The following FHIT variants were observed in gnomAD, a reference collection of about 807,000 sequenced individuals.
The protein encoded by FHIT is bis(5'-adenosyl)-triphosphatase.
FHIT carries 19 observed loss-of-function variants against 17.9 expected under a neutral mutation model. That is an observed-to-expected ratio of 1.06 (90% CI 0.74 to 1.56). The LOEUF (loss-of-function observed/expected upper bound fraction) is 1.56, where lower values mean the gene tolerates loss of function less well. FHIT is among the 40% of genes most tolerant of loss of function. The pLI, the probability that FHIT is intolerant of heterozygous loss-of-function variation, is 0.00. For missense variants in FHIT, 248 were observed against 189.2 expected (o/e 1.31, Z -1.82); for synonymous variants, 81 against 69.7 (o/e 1.16, Z -0.81).
At chr3:60,013,943 A>G (rs374889777) in intron 6 of FHIT, 64 bp downstream of exon 6, 110 of 1,513,006 alleles carry the variant, frequency 7.3e-5, no homozygotes, top group African/African-American at 6.4e-4. Flanking sequence ...TATCAGGAGG[A>G]GCAAGCCCAA....
chr3:60,536,237 A>G (rs1465091334), intron 5 of FHIT: 2 of 152,106 alleles, frequency 1.3e-5, no homozygotes, highest in Non-Finnish European at 2.9e-5. Flanking sequence ...ACTACAACTC[A>G]GTGGTCAGAG....
intron 5 of FHIT, among the ~76,000 whole-genome samples, chr3:60,112,780 C>A (rs1298548531): frequency 6.6e-6 from 1 of 152,142 alleles, no homozygotes; most frequent in African/African-American, 2.4e-5. Flanking sequence ...TACATAGGAG[C>A]ATGATGGAAG....
chr3:60,604,672 A>G (rs1213567999), intron 4 of FHIT, among the ~76,000 whole-genome samples: 1 of 152,166 alleles, frequency 6.6e-6, no homozygotes, highest in Non-Finnish European at 1.5e-5. Flanking sequence ...AGGAAGGAGC[A>G]TGAAATGGGA....
At chr3:60,179,626 C>T (rs539546101) in intron 5 of FHIT, among the ~76,000 whole-genome samples, 4 of 151,902 alleles carry the variant, frequency 2.6e-5, no homozygotes, top group African/African-American at 9.7e-5. Flanking sequence ...AATTCAACTA[C>T]CTAGCTACAG....
At chr3:61,128,930 T>C (rs900734699) in intron 2 of FHIT, among the ~76,000 whole-genome samples, 1 of 152,170 alleles carries the variant, frequency 6.6e-6, no homozygotes, top group African/African-American at 2.4e-5. Context: ...ACGTGAAATA[T>C]GTTCTTACTT....
intron 3 of FHIT, among the ~76,000 whole-genome samples, chr3:60,923,946 G>T (rs145255213): frequency 6.6e-6 from 1 of 152,172 alleles, no homozygotes; most frequent in African/African-American, 2.4e-5. Flanking sequence ...TACGCCCATG[G>T]AGCCTCCCTC....
chr3:60,382,235 T>A (rs531654297), intron 5 of FHIT, among the ~76,000 whole-genome samples: 4 of 152,200 alleles, frequency 2.6e-5, no homozygotes, highest in Non-Finnish European at 5.9e-5. Flanking sequence ...CTTGCGGACA[T>A]AGAATTGCGG....
intron 2 of FHIT, among the ~76,000 whole-genome samples, chr3:61,194,152 T>C (rs533124043): frequency 6.6e-6 from 1 of 152,132 alleles, no homozygotes; most frequent in Non-Finnish European, 1.5e-5. Context: ...CTCTATGGAA[T>C]GAGGATCTTC....
intron 4 of FHIT, among the ~76,000 whole-genome samples, chr3:60,551,440 G>C (rs1559532440): frequency 1.2e-5 from 1 of 81,440 alleles, no homozygotes; most frequent in South Asian, 5.4e-4. Context: ...GGGAAATATA[G>C]TGAGAAAGAA....
chr3:61,100,349 C>T (rs527755408), intron 2 of FHIT, among the ~76,000 whole-genome samples: 139 of 152,088 alleles, frequency 9.1e-4, no homozygotes, highest in Non-Finnish European at 1.6e-3. Flanking sequence ...CTGAGAATGA[C>T]GGTTTCCAGC....
At chr3:61,145,558 T>TA (rs1458808888) in intron 2 of FHIT, among the ~76,000 whole-genome samples, 2 of 151,868 alleles carry the variant, frequency 1.3e-5, no homozygotes, top group African/African-American at 2.4e-5. Flanking sequence ...GGGAAAAAAA[T>TA]AAAAAAACAG....
intron 5 of FHIT, among the ~76,000 whole-genome samples, chr3:60,106,230 G>T (rs925711075): frequency 4.6e-5 from 7 of 152,192 alleles, no homozygotes; most frequent in African/African-American, 1.7e-4. Context: ...GAAGAGTAGT[G>T]ATGCTGTAAA....
At chr3:61,209,089 T>G (rs1463528752) in intron 1 of FHIT, among the ~76,000 whole-genome samples, 1 of 152,076 alleles carries the variant, frequency 6.6e-6, no homozygotes, top group Admixed American at 6.6e-5. Flanking sequence ...TTAGTTTGGC[T>G]GGATATGAAA....
chr3:60,535,808 T>C (rs2035960813), intron 5 of FHIT: 1 of 108,308 alleles, frequency 9.2e-6, no homozygotes, highest in South Asian at 3.4e-4. Context: ...TTCTTATTTG[T>C]ATTTTTTTTT....
At chr3:60,257,888 T>A (rs1706084729) in intron 5 of FHIT, among the ~76,000 whole-genome samples, 1 of 151,940 alleles carries the variant, frequency 6.6e-6, no homozygotes, top group South Asian at 2.1e-4. Flanking sequence ...AACTAAGGCC[T>A]GTCGGAGGGT....
rs148425926 is a variant in FHIT, at chr3:60,300,721, C to T, written c.103+236139G>A. Among the ~76,000 whole-genome samples the T allele has an allele frequency of 1.9e-3, 284 of 152,206 alleles. 1 individual carries two copies. The highest frequency in any genetic ancestry group is 3.5e-3 in the Non-Finnish European group (240 of 67,992). ...AAAACCCAGTTGTTTCCAGTTTGTC[C>T]TGTGTTTCAGCATTGATCCAGCAAC... On this transcript the variant is annotated intron_variant, in intron 5 of 9. Coordinates refer to ENST00000492590, the MANE Select transcript of FHIT (RefSeq NM_002012.4).
At chr3:60,018,755 A>C (rs1700441099) in intron 5 of FHIT, among the ~76,000 whole-genome samples, 1 of 152,196 alleles carries the variant, frequency 6.6e-6, no homozygotes, top group Non-Finnish European at 1.5e-5. Context: ...AAGCGCGCGA[A>C]TCACCTGAGG....
At chr3:60,843,946 G>A (rs1264972777) in intron 3 of FHIT, among the ~76,000 whole-genome samples, 2 of 152,068 alleles carry the variant, frequency 1.3e-5, no homozygotes, top group Non-Finnish European at 1.5e-5. Context: ...AGGCAAGCAC[G>A]CATGTATGTA....
intron 5 of FHIT, among the ~76,000 whole-genome samples, chr3:60,276,538 T>C (rs1163902811): frequency 6.6e-6 from 1 of 152,190 alleles, no homozygotes; most frequent in Non-Finnish European, 1.5e-5. Flanking sequence ...ATAGTGTTTG[T>C]GTCACGAGCG....
Sources: allele counts gnomAD v4.1 joint callset (sites outside exome capture counted in the v4.1 genomes callset), GRCh38; gene constraint gnomAD v4.1.1; transcripts MANE v1.5; gene names NCBI Gene and HGNC (gene_info 2026-07-23, HGNC 2026-07-21).